RBM17: variants seen among roughly 807,000 people sequenced by gnomAD.
RBM17 encodes the protein RNA binding motif protein 17, also known as splicing factor 45.
In RBM17, 7 loss-of-function variants were observed where a neutral mutation model predicts 53.2. The ratio of observed to expected loss-of-function variants is 0.13; its 90% CI spans 0.07 to 0.25. The LOEUF is 0.25. RBM17 is among the 10% of genes least tolerant of loss of function. The probability of loss-of-function intolerance (pLI) is 1.00; values close to 1 mark genes in which losing one functional copy is unlikely to be tolerated. For synonymous variants in RBM17, 167 were observed against 178.1 expected, an observed-to-expected ratio of 0.94 and a Z score of 0.50; for missense variants, 257 against 496.7, an observed-to-expected ratio of 0.52 and a Z score of 4.59.
At chr10:6,109,780 A>G (rs901762172) in intron 6 of RBM17, among the ~76,000 whole-genome samples, 1 of 152,232 alleles carries the variant, frequency 6.6e-6, no homozygotes, top group Non-Finnish European at 1.5e-5. Flanking sequence ...TAGCAAAAGG[A>G]AAGTTAGAAT....
At chr10:6,113,868 G>C (rs567764750) in intron 9 of RBM17, 181 bp from the exon 10 acceptor site, 4 of 594,464 alleles carry the variant, frequency 6.7e-6, no homozygotes, top group Non-Finnish European at 1.2e-5. Context: ...CTCTTTACAG[G>C]CTTAATATAT....
At position 6,113,061 on chromosome 10, in the gene RBM17, C is replaced by A. The variant is rs1840863350; in HGVS notation, c.857-447C>A. ...TGCACAGCTTAGGATACATCACGAG[C>A]CTGACAGGTGAGTGCCAGAAACCAA... On this transcript the variant is annotated intron_variant, in intron 8 of 11. Coordinates refer to ENST00000379888, the MANE Select transcript of RBM17 (RefSeq NM_032905.5). 2.3e-5 allele frequency: 4 copies of A among 176,378 alleles called. No homozygotes were observed. The South Asian group carries it at 4.8e-4, about 21-fold the overall frequency. 10.9% of individuals were successfully genotyped at this position (176,378 alleles called of 1,614,324 possible).
At chr10:6,113,481 C>T (rs750137721) in intron 8 of RBM17, 27 bp from the exon 9 acceptor site, 2 of 1,521,560 alleles carry the variant, frequency 1.3e-6, no homozygotes, top group South Asian at 1.1e-5. Flanking sequence ...AGTTCTGTAA[C>T]ACATCTAATG....
At chr10:6,103,726 G>A (rs953284615) in intron 3 of RBM17, among the ~76,000 whole-genome samples, 2 of 152,170 alleles carry the variant, frequency 1.3e-5, no homozygotes, top group African/African-American at 2.4e-5. Flanking sequence ...TAAGGAAATG[G>A]TGAAGTGTTT....
At chr10:6,110,706 C>T (rs985934464) in intron 7 of RBM17, among the ~76,000 whole-genome samples, 6 of 152,190 alleles carry the variant, frequency 3.9e-5, no homozygotes, top group Non-Finnish European at 7.3e-5. Context: ...TCCTGTGAGA[C>T]GGCTGTCCCA....
intron 5 of RBM17, among the ~76,000 whole-genome samples, chr10:6,107,570 C>T (rs1440830442): frequency 6.8e-6 from 1 of 146,960 alleles, no homozygotes; most frequent in Non-Finnish European, 1.5e-5. Context: ...CAACCTCCAT[C>T]TCCTAGTTTC....
At chr10:6,091,084 G>C (rs2132934958) in intron 1 of RBM17, among the ~76,000 whole-genome samples, 1 of 148,088 alleles carries the variant, frequency 6.8e-6, no homozygotes, top group African/African-American at 2.5e-5. Flanking sequence ...TCCTGAGACA[G>C]AGTCTCACTC....
intron 1 of RBM17, among the ~76,000 whole-genome samples, chr10:6,091,091 A>C (rs1336623568): frequency 1.3e-5 from 2 of 150,208 alleles, no homozygotes; most frequent in Admixed American, 6.7e-5. Flanking sequence ...ACAGAGTCTC[A>C]CTCTATAGTC....
At chr10:6,098,528 C>A (rs1330955896) in intron 2 of RBM17, among the ~76,000 whole-genome samples, 3 of 128,816 alleles carry the variant, frequency 2.3e-5, no homozygotes, top group South Asian at 2.6e-4. Flanking sequence ...TCTCTAATTT[C>A]ATGTTTGAAA....
chr10:6,110,201 G>A, intron 7 of RBM17, 74 bp downstream of exon 7: 4 of 1,389,304 alleles, frequency 2.9e-6, no homozygotes, highest in Non-Finnish European at 2.9e-6. Flanking sequence ...AATAGATGCA[G>A]CTTGTTTGAA....
chr10:6,097,197 A>T lies in RBM17; in HGVS notation c.123+9A>T, dbSNP rs769189285. On this transcript the variant is annotated intron_variant, in intron 2 of 11. Coordinates refer to ENST00000379888, the MANE Select transcript of RBM17 (RefSeq NM_032905.5). ...CTCTCACTCAGGCAAAGGTAAAGAC[A>T]AGCCCAGAGCATGAGAGCAGAGGCC... 6.2e-7 allele frequency: 1 copy of T among 1,613,110 alleles called. No individual in the cohort carries two copies. The highest frequency in any genetic ancestry group is 1.3e-5 in the African/African-American group (1 of 74,864).
chr10:6,100,491 A>T (rs1840654526), intron 2 of RBM17, among the ~76,000 whole-genome samples: 2 of 152,226 alleles, frequency 1.3e-5, no homozygotes, highest in Admixed American at 1.3e-4. Flanking sequence ...TCAACTAAAT[A>T]ACCAGGTAGT....
At chr10:6,109,094 T>G (rs1289830038) in intron 6 of RBM17, among the ~76,000 whole-genome samples, 2 of 152,274 alleles carry the variant, frequency 1.3e-5, no homozygotes, top group East Asian at 1.9e-4. Context: ...GGCTGTTATA[T>G]TCATGATCCT....
In RBM17 at chr10:6,112,264, T is replaced by C. The variant is rs554776074; in HGVS notation, c.759T>C (p.Gly253=). 5.0e-6 allele frequency: 8 copies of C among 1,613,006 alleles called. No homozygotes were observed. In the East Asian group the frequency reaches 1.8e-4, roughly 36 times the overall value. Residue 253 remains glycine, a synonymous_variant, in exon 8 of 12, where the codon GGT becomes GGC. Coordinates refer to ENST00000379888, the MANE Select transcript of RBM17 (RefSeq NM_032905.5). The surrounding 1 kb of genome is among the most constrained non-coding windows in gnomAD (Gnocchi z 4.4). The part of the protein sequence containing the change: ...MQKYGFREGQ[G]LGKHEQGLST... ...AGTACGGCTTCCGGGAGGGCCAGGG[T>C]CTGGGGAAGCATGAGCAGGGCCTGA...
intron 2 of RBM17, among the ~76,000 whole-genome samples, chr10:6,098,959 G>A (rs1840627473): frequency 6.6e-6 from 1 of 151,920 alleles, no homozygotes; most frequent in South Asian, 2.1e-4. Flanking sequence ...ATTGTAGAGA[G>A]GTTTTTTTGT....
intron 2 of RBM17, among the ~76,000 whole-genome samples, chr10:6,100,891 G>A (rs1018058568): frequency 6.6e-6 from 1 of 152,192 alleles, no homozygotes; most frequent in Non-Finnish European, 1.5e-5. Flanking sequence ...AAGAAGTATG[G>A]TAGAACATTA....
chr10:6,091,029 A>ATTTATGTATT (rs1840475899), intron 1 of RBM17, among the ~76,000 whole-genome samples: 2 of 141,726 alleles, frequency 1.4e-5, no homozygotes, highest in Non-Finnish European at 3.0e-5. Context: ...ATTTATATAT[A>ATTTATGTATT]TTTATATATT....
At chr10:6,090,522 G>T (rs1840466329) in intron 1 of RBM17, among the ~76,000 whole-genome samples, 5 of 152,172 alleles carry the variant, frequency 3.3e-5, no homozygotes, top group Admixed American at 3.3e-4. Flanking sequence ...CAGCCTTTCT[G>T]GAGGCTCTTG....
chr10:6,102,595 T>G (rs1445850001), intron 3 of RBM17, among the ~76,000 whole-genome samples: 1 of 152,230 alleles, frequency 6.6e-6, no homozygotes, highest in Non-Finnish European at 1.5e-5. Flanking sequence ...GTTTCTTCTG[T>G]AATCGTGTAT....
Sources: allele counts gnomAD v4.1 joint callset (sites outside exome capture counted in the v4.1 genomes callset), GRCh38; gene constraint gnomAD v4.1.1; non-coding constraint Gnocchi (gnomAD v3.1); transcripts MANE v1.5; gene names NCBI Gene and HGNC (gene_info 2026-07-23, HGNC 2026-07-21).